Variants in SEL1L3 observed in about 807,000 individuals in gnomAD.
SEL1L3 encodes the protein SEL1L family member 3.
Under a neutral mutation model 142.8 loss-of-function variants are expected in SEL1L3, and 76 were observed. The ratio of observed to expected loss-of-function variants is 0.53; its 90% CI spans 0.44 to 0.64. The LOEUF is 0.64. Ranked by LOEUF, SEL1L3 falls within the 30% of genes least tolerant of loss-of-function variation. SEL1L3 has a pLI of 0.00. For missense variants in SEL1L3, 1,262 were observed against 1,381.7 expected (o/e 0.91, Z 1.37); for synonymous variants, 504 against 519.6 (o/e 0.97, Z 0.41).
intron 17 of SEL1L3, among the ~76,000 whole-genome samples, chr4:25,772,110 A>C (rs1719264414): frequency 6.6e-6 from 1 of 152,234 alleles, no homozygotes; most frequent in Non-Finnish European, 1.5e-5. Flanking sequence ...GGTACCAAAA[A>C]AATGTCACGT....
intron 2 of SEL1L3, among the ~76,000 whole-genome samples, chr4:25,835,956 T>C (rs965417972): frequency 2.0e-5 from 3 of 152,190 alleles, no homozygotes; most frequent in African/African-American, 7.2e-5. Flanking sequence ...ATTTAACAGA[T>C]CGAAAACTGA....
chr4:25,801,756 G>C (rs1262492208), intron 11 of SEL1L3, among the ~76,000 whole-genome samples: 1 of 152,192 alleles, frequency 6.6e-6, no homozygotes, highest in East Asian at 1.9e-4. Flanking sequence ...GGGAGCACTG[G>C]TGTAGCAAGG....
At chr4:25,806,962 G>A (rs917117958) in intron 9 of SEL1L3, among the ~76,000 whole-genome samples, 2 of 151,936 alleles carry the variant, frequency 1.3e-5, no homozygotes, top group African/African-American at 2.4e-5. Context: ...TATTAAAAGC[G>A]TGGTATGTAG....
At chr4:25,833,781 G>A (rs1230454049) in intron 3 of SEL1L3, among the ~76,000 whole-genome samples, 1 of 152,168 alleles carries the variant, frequency 6.6e-6, no homozygotes, top group Non-Finnish European at 1.5e-5. Flanking sequence ...AAGCTTCATT[G>A]TACAAAACTA....
intron 3 of SEL1L3, among the ~76,000 whole-genome samples, chr4:25,834,241 G>C (rs980864016): frequency 2.6e-5 from 4 of 152,166 alleles, no homozygotes; most frequent in African/African-American, 4.8e-5. Context: ...AATACCAGTA[G>C]CCAACTTAAC....
At chr4:25,809,555 A>G (rs967860933) in intron 9 of SEL1L3, among the ~76,000 whole-genome samples, 7 of 152,162 alleles carry the variant, frequency 4.6e-5, no homozygotes, top group Non-Finnish European at 1.0e-4. Context: ...AAAGGCTGGA[A>G]TTACAGGTAT....
intron 1 of SEL1L3, among the ~76,000 whole-genome samples, chr4:25,848,783 A>G (rs916251977): frequency 1.3e-5 from 2 of 152,196 alleles, no homozygotes. Flanking sequence ...TGAGAATGTA[A>G]AATGGTGTGG....
chr4:25,753,312 T>A (rs1282221231), intron 23 of SEL1L3, among the ~76,000 whole-genome samples: 43 of 152,234 alleles, frequency 2.8e-4, no homozygotes, highest in Admixed American at 2.7e-3. Context: ...TACAACTGAC[T>A]GGAAAAAATG....
At chr4:25,837,290 AG>A (rs1715894908) in intron 2 of SEL1L3, among the ~76,000 whole-genome samples, 1 of 146,862 alleles carries the variant, frequency 6.8e-6, no homozygotes, top group South Asian at 2.3e-4. Context: ...TTAGACCCCT[AG>A]GAAGCCTTCT....
chr4:25,736,109 A>G, the SEL1L3 span, among the ~76,000 whole-genome samples: 6 of 151,258 alleles, frequency 4.0e-5, no homozygotes, highest in African/African-American at 1.5e-4. Flanking sequence ...GATTACAGGC[A>G]TGAGCCACCG....
At chr4:25,802,741 C>A (rs2109221048) in intron 10 of SEL1L3, among the ~76,000 whole-genome samples, 1 of 152,180 alleles carries the variant, frequency 6.6e-6, no homozygotes, top group Non-Finnish European at 1.5e-5. Context: ...ACCACAATGC[C>A]CAGCTAATTT....
At chr4:25,730,397 G>T in the SEL1L3 span, among the ~76,000 whole-genome samples, 88 of 152,094 alleles carry the variant, frequency 5.8e-4, no homozygotes, top group African/African-American at 2.1e-3. Flanking sequence ...ATGCATAGAG[G>T]AGTAGGGTGA....
intron 15 of SEL1L3, among the ~76,000 whole-genome samples, chr4:25,780,326 G>A (rs1719910156): frequency 6.6e-6 from 1 of 152,090 alleles, no homozygotes; most frequent in African/African-American, 2.4e-5. Context: ...CCATGTCTCC[G>A]GTAGGCAGGA....
intron 23 of SEL1L3, 79 bp from the exon 24 acceptor site, chr4:25,748,643 G>T: frequency 6.8e-7 from 1 of 1,462,456 alleles, no homozygotes; most frequent in Non-Finnish European, 9.2e-7. Context: ...TAGAGACTCT[G>T]GCAAGCCAGG....
At chr4:25,838,185 C>T (rs1240758587) in intron 2 of SEL1L3, among the ~76,000 whole-genome samples, 1 of 152,172 alleles carries the variant, frequency 6.6e-6, no homozygotes, top group Non-Finnish European at 1.5e-5. Flanking sequence ...CAAAGAATGA[C>T]CTTTCTTCTT....
At chr4:25,846,240 C>T (rs183591279) in intron 2 of SEL1L3, among the ~76,000 whole-genome samples, 2 of 152,182 alleles carry the variant, frequency 1.3e-5, no homozygotes, top group East Asian at 1.9e-4. Context: ...TCCAGCCCCA[C>T]GGCTTAAGGG....
chr4:25,734,615 C>G, the SEL1L3 span, among the ~76,000 whole-genome samples: 1 of 152,126 alleles, frequency 6.6e-6, no homozygotes, highest in African/African-American at 2.4e-5. Flanking sequence ...GTTTCCCAGG[C>G]TGGAGTGTAG....
chr4:25,849,025 G>A (rs989650104), intron 1 of SEL1L3, among the ~76,000 whole-genome samples: 6 of 152,190 alleles, frequency 3.9e-5, no homozygotes, highest in African/African-American at 1.2e-4. Flanking sequence ...TGTAATTCCA[G>A]CTCCTTGGGA....
chr4:25,837,998 C>A (rs566636011), intron 2 of SEL1L3, among the ~76,000 whole-genome samples: 1 of 152,174 alleles, frequency 6.6e-6, no homozygotes, highest in Admixed American at 6.5e-5. Context: ...AAAGCAGGGG[C>A]CTTACTTATT....
Sources: gnomAD v4.1 joint callset for allele counts (sites outside exome capture counted in the v4.1 genomes callset) on GRCh38, gnomAD v4.1.1 for gene constraint, MANE v1.5 for transcripts, NCBI Gene and HGNC (gene_info 2026-07-23, HGNC 2026-07-21) for gene names.